The following BUB1B variants were observed in gnomAD, a reference collection of about 807,000 sequenced individuals.
BUB1B encodes mitotic checkpoint serine/threonine-protein kinase BUB1 beta.
Under a neutral mutation model 137.7 loss-of-function variants are expected in BUB1B, and 86 were observed. That is an observed-to-expected ratio of 0.62 (90% CI 0.52 to 0.75). The LOEUF (loss-of-function observed/expected upper bound fraction) is 0.75. Among genes scored for constraint, BUB1B ranks in the 30% least tolerant of loss-of-function variants. The probability of loss-of-function intolerance (pLI) is 0.00; values close to 1 mark genes in which losing one functional copy is unlikely to be tolerated. For missense variants in BUB1B, 1,130 were observed against 1,236.9 expected, an observed-to-expected ratio of 0.91 and a Z score of 1.30; for synonymous variants, 420 against 417.9, an observed-to-expected ratio of 1.00 and a Z score of -0.06.
intron 20 of BUB1B, among the ~76,000 whole-genome samples, chr15:40,214,698 T>A (rs2037752978): frequency 6.6e-6 from 1 of 152,192 alleles, no homozygotes; most frequent in Non-Finnish European, 1.5e-5. Flanking sequence ...CCTTCTCCCC[T>A]GAGATAGCAG....
intron 5 of BUB1B, among the ~76,000 whole-genome samples, chr15:40,180,235 G>A (rs1202705463): frequency 6.8e-6 from 1 of 147,336 alleles, no homozygotes; most frequent in East Asian, 1.9e-4. Context: ...TAGAATTCTG[G>A]GTCAACGTTT....
Position 40,200,355 on chromosome 15 carries a change from GC to G in BUB1B, c.1515del (p.Arg506GlufsTer47). On this transcript the variant is annotated frameshift_variant, in exon 11 of 23. Coordinates refer to ENST00000287598, the MANE Select transcript of BUB1B (RefSeq NM_001211.6). LOFTEE classifies it high-confidence loss of function. Reference sequence around the variant, plus strand: ...TTCTGTTTGTCAAGTAAACTGTTGTGCCAGGTAAGACTACATAGGTGGAAGG... The same window carrying G: ...TTCTGTTTGTCAAGTAAACTGTTGTGCAGGTAAGACTACATAGGTGGAAGG... ...SSSVCQVNCC[A>X]RETSLAENIW... The G allele has an allele frequency of 6.2e-7, 1 of 1,612,480 alleles. No homozygotes were observed. The highest frequency in any genetic ancestry group is 8.5e-7 in the Non-Finnish European group (1 of 1,178,676).
At chr15:40,165,847 T>A (rs567969498) in intron 2 of BUB1B, among the ~76,000 whole-genome samples, 4 of 149,242 alleles carry the variant, frequency 2.7e-5, no homozygotes, top group Middle Eastern at 3.4e-3. Flanking sequence ...ATTCATCTCT[T>A]TGGATTTTTT....
At chr15:40,190,888 ATT>A (rs1399316223) in intron 8 of BUB1B, among the ~76,000 whole-genome samples, 14 of 141,170 alleles carry the variant, frequency 9.9e-5, no homozygotes, top group Admixed American at 2.1e-4. Context: ...ACGCCTTGTA[ATT>A]TTTTTTTTTT....
At chr15:40,172,961 A>C (rs1566816752) in intron 4 of BUB1B, among the ~76,000 whole-genome samples, 1 of 152,122 alleles carries the variant, frequency 6.6e-6, no homozygotes, top group Admixed American at 6.5e-5. Flanking sequence ...AGCCTAAATA[A>C]TATCTTTACA....
chr15:40,219,669 G>A (rs1441737913), intron 22 of BUB1B, among the ~76,000 whole-genome samples: 1 of 152,130 alleles, frequency 6.6e-6, no homozygotes, highest in East Asian at 1.9e-4. Flanking sequence ...GCAGTGAGCT[G>A]AGATCGCGCC....
At chr15:40,170,154 A>G (rs1169289031) in intron 3 of BUB1B, 33 bp downstream of exon 3, 3 of 1,578,022 alleles carry the variant, frequency 1.9e-6, no homozygotes, top group Non-Finnish European at 2.6e-6. Flanking sequence ...GACAATAGAA[A>G]CATTAACAGA....
Position 40,202,700 on chromosome 15 carries a change from GA to G in BUB1B, c.1734+7del. The G allele has an allele frequency of 6.2e-7, 1 of 1,605,976 alleles. No homozygotes were observed. The highest frequency in any genetic ancestry group is 1.3e-5 in the African/African-American group (1 of 74,760). The stretch of plus-strand genomic sequence containing the variant: ...ATGTGTCTCCAGATGTTTGTGTAAG[GA>G]GCAGTATCCTTAAGTTAATGTAAAT... On this transcript the variant is annotated splice_region_variant and intron_variant, in intron 14 of 22. Coordinates refer to ENST00000287598, the MANE Select transcript of BUB1B (RefSeq NM_001211.6).
chr15:40,216,797 T>G (rs1376076446), intron 20 of BUB1B, among the ~76,000 whole-genome samples: 1 of 151,694 alleles, frequency 6.6e-6, no homozygotes, highest in Non-Finnish European at 1.5e-5. Flanking sequence ...AAGGAACACA[T>G]GAAAACCCAC....
intron 2 of BUB1B, 104 bp from the exon 3 acceptor site, chr15:40,169,958 A>G: frequency 1.0e-6 from 1 of 975,012 alleles, no homozygotes; most frequent in Non-Finnish European, 1.7e-6. Flanking sequence ...GCAATAATTT[A>G]GATCAATATT....
chr15:40,219,356 A>G (rs2037854428), intron 22 of BUB1B, among the ~76,000 whole-genome samples: 1 of 152,212 alleles, frequency 6.6e-6, no homozygotes, highest in South Asian at 2.1e-4. Flanking sequence ...CTCCTGGAGA[A>G]GAAGTAAGTG....
intron 5 of BUB1B, among the ~76,000 whole-genome samples, chr15:40,182,177 T>C (rs967504192): frequency 9.2e-5 from 14 of 152,220 alleles, no homozygotes; most frequent in African/African-American, 3.4e-4. Flanking sequence ...GTACTCCAGC[T>C]TGGGTGACAG....
intron 18 of BUB1B, among the ~76,000 whole-genome samples, chr15:40,211,432 A>G (rs995467396): frequency 2.6e-5 from 4 of 151,938 alleles, no homozygotes; most frequent in South Asian, 2.1e-4. Context: ...TGGCCATTTT[A>G]TTGGAAAACC....
At chr15:40,217,356 G>C in intron 20 of BUB1B, 140 bp from the exon 21 acceptor site, 2 of 840,788 alleles carry the variant, frequency 2.4e-6, no homozygotes, top group Non-Finnish European at 2.0e-6. Flanking sequence ...TCTTACAGGT[G>C]CATTTTCAAA....
intron 2 of BUB1B, among the ~76,000 whole-genome samples, chr15:40,169,609 C>CTTTTTTTTTTTTTTTTTTT (rs893767898): frequency 2.1e-5 from 2 of 96,950 alleles, no homozygotes; most frequent in African/African-American, 3.8e-5. Context: ...TATTTCTATT[C>CTTTTTTTTTTTTTTTTTTT]TTTTTTTTTT....
intron 9 of BUB1B, among the ~76,000 whole-genome samples, chr15:40,197,936 G>A (rs552337752): frequency 6.6e-6 from 1 of 152,192 alleles, no homozygotes; most frequent in East Asian, 1.9e-4. Flanking sequence ...AACCAGAAAA[G>A]GAACTAGGTA....
intron 4 of BUB1B, among the ~76,000 whole-genome samples, chr15:40,175,679 C>T (rs2037215649): frequency 6.6e-6 from 1 of 152,140 alleles, no homozygotes; most frequent in Admixed American, 6.5e-5. Flanking sequence ...TTGACTATGT[C>T]ATTCCTTTGC....
intron 8 of BUB1B, among the ~76,000 whole-genome samples, chr15:40,191,647 G>T (rs1172772811): frequency 6.6e-6 from 1 of 152,142 alleles, no homozygotes; most frequent in Non-Finnish European, 1.5e-5. Flanking sequence ...GCTAATTTTT[G>T]TGTATGGTAT....
intron 8 of BUB1B, among the ~76,000 whole-genome samples, chr15:40,196,213 A>G (rs999118719): frequency 6.6e-6 from 1 of 152,128 alleles, no homozygotes; most frequent in African/African-American, 2.4e-5. Context: ...TGACTTGCCA[A>G]TTATCCCAGC....
Sources: allele counts gnomAD v4.1 joint callset (sites outside exome capture counted in the v4.1 genomes callset), GRCh38; gene constraint gnomAD v4.1.1; transcripts MANE v1.5; gene names NCBI Gene and HGNC (gene_info 2026-07-23, HGNC 2026-07-21).